Variants in FER observed in about 807,000 individuals in gnomAD.
The protein encoded by FER is tyrosine-protein kinase Fer.
A neutral mutation model predicts 111.0 loss-of-function variants in FER; 63 were observed. The observed-to-expected ratio is 0.57, with a 90% CI of 0.46 to 0.70. FER has a LOEUF of 0.70. Among genes scored for constraint, FER ranks in the 30% least tolerant of loss-of-function variants. The pLI is 0.00. For missense variants in FER, 914 were observed against 954.0 expected, an observed-to-expected ratio of 0.96 and a Z score of 0.55; for synonymous variants, 327 against 313.9, an observed-to-expected ratio of 1.04 and a Z score of -0.44.
In FER at chr5:108,950,494, A is replaced by G. The variant is rs1044204531; in HGVS notation, c.1330-4235A>G. On this transcript the variant is annotated intron_variant, in intron 11 of 19. Coordinates refer to ENST00000281092, the MANE Select transcript of FER (RefSeq NM_005246.4). ...GCCAATTCAGCTTTACTGCTAAAAA[A>G]TCAGAATTTGTAGAATTAAAGATAG... Among the ~76,000 whole-genome samples the G allele has an allele frequency of 3.9e-4, 60 of 152,300 alleles. 1 individual carries two copies. The highest frequency in any genetic ancestry group is 1.3e-4 in the Non-Finnish European group (9 of 68,012).
chr5:109,066,403 A>G (rs1440015511), intron 16 of FER, among the ~76,000 whole-genome samples: 1 of 152,226 alleles, frequency 6.6e-6, no homozygotes, highest in Non-Finnish European at 1.5e-5. Flanking sequence ...AAGATTTTGT[A>G]CATAGGTAAT....
chr5:109,091,681 A>G (rs946078967), intron 16 of FER, among the ~76,000 whole-genome samples: 7 of 152,282 alleles, frequency 4.6e-5, no homozygotes, highest in African/African-American at 1.4e-4. Context: ...TAGCCAAGCC[A>G]TGAGTGTAGG....
intron 10 of FER, among the ~76,000 whole-genome samples, chr5:108,923,533 G>A (rs1346568551): frequency 2.0e-5 from 3 of 152,032 alleles, no homozygotes; most frequent in East Asian, 3.9e-4. Flanking sequence ...AGAATGTTCT[G>A]TACAATGCCT....
intron 17 of FER, among the ~76,000 whole-genome samples, chr5:109,155,152 A>T (rs1209069755): frequency 1.3e-5 from 2 of 151,922 alleles, no homozygotes; most frequent in Non-Finnish European, 2.9e-5. Flanking sequence ...GCCCTAAGGA[A>T]GCTAGGAAGT....
chr5:108,975,908 A>G (rs922591408), intron 13 of FER, among the ~76,000 whole-genome samples: 6 of 152,188 alleles, frequency 3.9e-5, no homozygotes, highest in African/African-American at 1.4e-4. Flanking sequence ...GAGATGCTAT[A>G]GGAAGCCAGG....
intron 17 of FER, among the ~76,000 whole-genome samples, chr5:109,118,405 T>C (rs1174467094): frequency 6.6e-6 from 1 of 152,216 alleles, no homozygotes; most frequent in Non-Finnish European, 1.5e-5. Flanking sequence ...GGATTCGGCT[T>C]GCCAGCATTT....
intron 16 of FER, among the ~76,000 whole-genome samples, chr5:109,056,789 C>A (rs575878575): frequency 2.0e-5 from 3 of 152,202 alleles, no homozygotes; most frequent in African/African-American, 7.2e-5. Flanking sequence ...CTATAATATT[C>A]TTTTTACCAT....
intron 19 of FER, 102 bp downstream of exon 19, chr5:109,186,424 G>A (rs1458503293): frequency 5.8e-6 from 9 of 1,549,406 alleles, no homozygotes; most frequent in Non-Finnish European, 8.8e-7. Context: ...ATACTGTTTG[G>A]TTGTGTTATG....
At chr5:109,119,439 A>T (rs1320522042) in intron 17 of FER, among the ~76,000 whole-genome samples, 3 of 152,124 alleles carry the variant, frequency 2.0e-5, no homozygotes, top group Non-Finnish European at 4.4e-5. Flanking sequence ...CTATGTGGTC[A>T]ATTTTGGAAT....
At chr5:109,099,669 C>G (rs368129397) in intron 16 of FER, among the ~76,000 whole-genome samples, 1 of 151,106 alleles carries the variant, frequency 6.6e-6, no homozygotes, top group African/African-American at 2.4e-5. Context: ...ATAAATTGCA[C>G]GGTTTAAAAA....
intron 13 of FER, among the ~76,000 whole-genome samples, chr5:109,007,956 C>T (rs564087406): frequency 2.0e-5 from 3 of 152,046 alleles, no homozygotes; most frequent in Non-Finnish European, 2.9e-5. Flanking sequence ...TAGATAATTA[C>T]TTTTAGCTAC....
At chr5:108,870,024 A>G (rs1239983441) in intron 6 of FER, among the ~76,000 whole-genome samples, 1 of 152,138 alleles carries the variant, frequency 6.6e-6, no homozygotes, top group African/African-American at 2.4e-5. Context: ...ATTGATTTAG[A>G]AATATTTCCT....
chr5:109,129,485 T>G (rs567722253), intron 17 of FER, among the ~76,000 whole-genome samples: 204 of 152,168 alleles, frequency 1.3e-3, no homozygotes, highest in Non-Finnish European at 2.5e-3. Flanking sequence ...CTCTTTGTAC[T>G]TTTATTTCAC....
At chr5:108,771,938 C>T (rs963278854) in intron 2 of FER, among the ~76,000 whole-genome samples, 4 of 152,038 alleles carry the variant, frequency 2.6e-5, no homozygotes, top group Non-Finnish European at 5.9e-5. Context: ...ATACCTGAGA[C>T]TGAGTAATTT....
chr5:108,993,167 C>G (rs1430696146), intron 13 of FER, among the ~76,000 whole-genome samples: 1 of 152,168 alleles, frequency 6.6e-6, no homozygotes, highest in African/African-American at 2.4e-5. Flanking sequence ...AATCTCAGCA[C>G]TTTGGGAGGC....
intron 16 of FER, among the ~76,000 whole-genome samples, chr5:109,091,320 T>A (rs1192984138): frequency 1.3e-5 from 2 of 152,204 alleles, no homozygotes; most frequent in Non-Finnish European, 2.9e-5. Context: ...TAGTGTTCCT[T>A]GGTCACCCCA....
chr5:108,845,045 T>TATATATATGTATATATATATATATATAC (rs1761859244), intron 5 of FER, among the ~76,000 whole-genome samples: 1 of 39,140 alleles, frequency 2.6e-5, no homozygotes, highest in Non-Finnish European at 4.7e-5. Context: ...TATATACATA[T>TATATATATGTATATATATATATATATAC]ATATATATAT....
rs575013209 is a variant in FER at position 109,005,146 on chromosome 5, T to C, written c.1657-32276T>C. Among the ~76,000 whole-genome samples the C allele has an allele frequency of 3.9e-5, 6 of 152,246 alleles. No individual in the cohort carries two copies. In the East Asian group the frequency reaches 1.2e-3, roughly 29 times the overall value. ...GCTGCCCATGACGAGATGATGCAGC[T>C]GCCCTAAACACAGCAAGAGGAAAGG... On this transcript the variant is annotated intron_variant, in intron 13 of 19. Transcript: ENST00000281092.
In FER at chr5:108,950,013, C is replaced by T. The variant is rs373577645; in HGVS notation, c.1329+3791C>T. Among the ~76,000 whole-genome samples the T allele has an allele frequency of 1.6e-4, 25 of 151,538 alleles. No homozygotes were observed. The East Asian group carries it at 1.9e-3, about 12-fold the overall frequency. ...TGATGAGTAAGGGAACAAAAGAAGC[C>T]GGCAAAAAAGAAGTCGGAGGAAACC... On this transcript the variant is annotated intron_variant, in intron 11 of 19. Transcript: ENST00000281092.
Sources: gnomAD v4.1 joint callset for allele counts (sites outside exome capture counted in the v4.1 genomes callset) on GRCh38, gnomAD v4.1.1 for gene constraint, MANE v1.5 for transcripts, NCBI Gene and HGNC (gene_info 2026-07-23, HGNC 2026-07-21) for gene names.